Variants in CTNNA3 observed in about 807,000 individuals in gnomAD.
CTNNA3 encodes catenin alpha 3.
A neutral mutation model predicts 95.7 loss-of-function variants in CTNNA3; 76 were observed. That is an observed-to-expected ratio of 0.79 (90% CI 0.66 to 0.96). The LOEUF is 0.96. Ranked by LOEUF, CTNNA3 falls within the 40% of genes least tolerant of loss-of-function variation. CTNNA3 has a pLI of 0.00. For synonymous variants in CTNNA3, 431 were observed against 374.4 expected, an observed-to-expected ratio of 1.15 and a Z score of -1.74; for missense variants, 1,191 against 1,089.8, an observed-to-expected ratio of 1.09 and a Z score of -1.31.
chr10:67,704,061 A>C (rs544384512), intron 1 of CTNNA3, among the ~76,000 whole-genome samples: 6 of 152,318 alleles, frequency 3.9e-5, no homozygotes, highest in East Asian at 1.9e-4. Context: ...TAGGAATCCA[A>C]CTTACAAGGG....
intron 7 of CTNNA3, among the ~76,000 whole-genome samples, chr10:66,830,834 C>T (rs1187994254): frequency 1.1e-4 from 16 of 152,172 alleles, no homozygotes; most frequent in Admixed American, 5.9e-4. Context: ...TGGTCTCTAT[C>T]TCCTGACCTC....
At chr10:67,618,213 A>G (rs778963794) in intron 2 of CTNNA3, among the ~76,000 whole-genome samples, 1 of 152,200 alleles carries the variant, frequency 6.6e-6, no homozygotes, top group Non-Finnish European at 1.5e-5. Flanking sequence ...GAAGCAAAAC[A>G]AAAAGTAAAA....
chr10:66,604,420 A>AT (rs1844042352), intron 10 of CTNNA3, among the ~76,000 whole-genome samples: 1 of 152,060 alleles, frequency 6.6e-6, no homozygotes, highest in South Asian at 2.1e-4. Context: ...ACTGACACCC[A>AT]TTAGCACCCT....
chr10:67,047,553 C>A (rs1267072328), intron 7 of CTNNA3, among the ~76,000 whole-genome samples: 1 of 152,146 alleles, frequency 6.6e-6, no homozygotes, highest in East Asian at 1.9e-4. Context: ...GACCACTTAT[C>A]TACCAAATCC....
At chr10:66,160,856 A>G (rs1237658398) in intron 13 of CTNNA3, among the ~76,000 whole-genome samples, 2 of 151,990 alleles carry the variant, frequency 1.3e-5, no homozygotes. Flanking sequence ...TAAATTTGGG[A>G]GCTCCAATGT....
At chr10:67,176,907 A>G (rs1198239485) in intron 7 of CTNNA3, 4 of 498,664 alleles carry the variant, frequency 8.0e-6, no homozygotes, top group African/African-American at 7.7e-5. Context: ...TTCCCTAGAG[A>G]CTCCAGAAAA....
chr10:67,719,875 G>C (rs1298382092), intron 1 of CTNNA3, among the ~76,000 whole-genome samples: 1 of 151,984 alleles, frequency 6.6e-6, no homozygotes, highest in Admixed American at 6.6e-5. Flanking sequence ...CTGTCTCGTT[G>C]ATCTGTGTAA....
At chr10:67,446,040 GCAAGTTAATCTTTCATT>G (rs1846732012) in intron 5 of CTNNA3, among the ~76,000 whole-genome samples, 1 of 152,116 alleles carries the variant, frequency 6.6e-6, no homozygotes. Context: ...AGCATAGATG[GCAAGTTAATCTTTCATT>G]CAACAAACGC....
At chr10:66,873,846 T>C (rs1844508840) in intron 7 of CTNNA3, among the ~76,000 whole-genome samples, 1 of 152,160 alleles carries the variant, frequency 6.6e-6, no homozygotes, top group South Asian at 2.1e-4. Context: ...TTGACATGGA[T>C]CTTAGCAAAG....
intron 5 of CTNNA3, among the ~76,000 whole-genome samples, chr10:67,506,008 A>G (rs142537658): frequency 1.0e-3 from 152 of 152,354 alleles, no homozygotes; most frequent in Non-Finnish European, 1.6e-3. Context: ...CTAAAATCCC[A>G]TAAGTGATAC....
chr10:67,709,469 G>A (rs1240025695), intron 1 of CTNNA3, among the ~76,000 whole-genome samples: 1 of 152,048 alleles, frequency 6.6e-6, no homozygotes, highest in Admixed American at 6.6e-5. Context: ...AGTTTCTTTG[G>A]ACTGACAAAG....
chr10:66,329,093 G>T (rs1268433748), intron 12 of CTNNA3, among the ~76,000 whole-genome samples: 2 of 151,072 alleles, frequency 1.3e-5, no homozygotes, highest in African/African-American at 4.9e-5. Context: ...TGGGATTACA[G>T]GTGTGTGCCA....
intron 5 of CTNNA3, among the ~76,000 whole-genome samples, chr10:67,517,355 C>T (rs555307490): frequency 1.8e-4 from 28 of 151,966 alleles, no homozygotes; most frequent in Admixed American, 1.2e-3. Flanking sequence ...AATATTAACC[C>T]GCAGTCATTT....
intron 1 of CTNNA3, among the ~76,000 whole-genome samples, chr10:67,684,406 A>G (rs529365398): frequency 1.1e-4 from 17 of 152,260 alleles, no homozygotes; most frequent in African/African-American, 2.9e-4. Context: ...TGCGTTTACA[A>G]ACCTTTAGCT....
chr10:66,128,440 A>G (rs916435198), intron 13 of CTNNA3, among the ~76,000 whole-genome samples: 1 of 152,154 alleles, frequency 6.6e-6, no homozygotes, highest in Non-Finnish European at 1.5e-5. Flanking sequence ...GTACATCCAG[A>G]CAATAGATAT....
At chr10:66,774,274 G>C (rs1219455073) in intron 8 of CTNNA3, among the ~76,000 whole-genome samples, 1 of 152,112 alleles carries the variant, frequency 6.6e-6, no homozygotes, top group Non-Finnish European at 1.5e-5. Flanking sequence ...GGAGAATAGG[G>C]ATCATTCCAC....
At chr10:65,962,265 C>G (rs1365611887) in intron 17 of CTNNA3, among the ~76,000 whole-genome samples, 3 of 152,114 alleles carry the variant, frequency 2.0e-5, no homozygotes, top group African/African-American at 7.2e-5. Context: ...TTGGATGCCC[C>G]TTGGTCACTT....
At chr10:67,630,204 T>C (rs76690088) in intron 2 of CTNNA3, among the ~76,000 whole-genome samples, 3,322 of 152,292 alleles carry the variant, frequency 0.022, 130 homozygotes, top group African/African-American at 0.075. Context: ...GTAATAGTTA[T>C]TAAGGCTGTT....
intron 7 of CTNNA3, among the ~76,000 whole-genome samples, chr10:67,071,846 G>A (rs1856486104): frequency 6.6e-6 from 1 of 151,996 alleles, no homozygotes; most frequent in Non-Finnish European, 1.5e-5. Context: ...CACTAAACTT[G>A]TATTATACTG....
Sources: allele counts gnomAD v4.1 joint callset (sites outside exome capture counted in the v4.1 genomes callset), GRCh38; gene constraint gnomAD v4.1.1; transcripts MANE v1.5; gene names NCBI Gene and HGNC (gene_info 2026-07-23, HGNC 2026-07-21).